PCBP3: variants seen among roughly 807,000 people sequenced by gnomAD.
The protein encoded by PCBP3 is poly(rC) binding protein 3.
A neutral mutation model predicts 52.7 loss-of-function variants in PCBP3; 25 were observed. The observed-to-expected ratio is 0.47, with a 90% CI of 0.35 to 0.66. The LOEUF is 0.66. PCBP3 is among the 30% of genes least tolerant of loss of function. The pLI, the probability that PCBP3 is intolerant of heterozygous loss-of-function variation, is 0.01. For missense variants in PCBP3, 391 were observed against 490.3 expected, an observed-to-expected ratio of 0.80 and a Z score of 1.91; for synonymous variants, 162 against 183.0, an observed-to-expected ratio of 0.89 and a Z score of 0.93.
intron 4 of PCBP3, among the ~76,000 whole-genome samples, chr21:45,784,399 TACCTCTACCG>T (rs2090909941): frequency 1.4e-5 from 2 of 141,418 alleles, no homozygotes; most frequent in African/African-American, 6.0e-5. Context: ...CCTCTACCGC[TACCTCTACCG>T]CTACCGCTAC....
rs553600711 is a variant in PCBP3 at position 45,882,065 on chromosome 21, G to C, written c.11-14143G>C. On this transcript the variant is annotated intron_variant, in intron 5 of 17. Transcript: ENST00000681687. ...TATATGCCCTGAAGTGAGACTGCTG[G>C]ATCCTGTGGTGGTTCTATTTCTAGT... is the stretch of plus-strand genomic sequence containing the variant. Among the ~76,000 whole-genome samples, 8 of 152,276 alleles carry C rather than the reference G, an allele frequency of 5.3e-5. No homozygotes were observed. In the East Asian group the frequency reaches 9.6e-4, roughly 18 times the overall value.
At chr21:45,776,434 C>T (rs754397306) in intron 4 of PCBP3, among the ~76,000 whole-genome samples, 1 of 151,686 alleles carries the variant, frequency 6.6e-6, no homozygotes, top group Non-Finnish European at 1.5e-5. Context: ...ACTTGAGTCT[C>T]TCTCTCTCCC....
At position 45,827,707 on chromosome 21, in the gene PCBP3, A is replaced by C. The variant is rs892404618; in HGVS notation, c.-125-22254A>C. The stretch of plus-strand genomic sequence containing the variant: ...CATCTCAGCCAAGCTGTTAATAAGC[A>C]GAACTCAGGGTCCCAGGGAAGTCCA... On this transcript the variant is annotated intron_variant, in intron 4 of 17. Transcript: ENST00000681687. This position sits in a 1 kb window ranked among gnomAD's most constrained non-coding sequence, Gnocchi z 4.3. Among the ~76,000 whole-genome samples, 1 of 152,254 alleles carries C rather than the reference A, an allele frequency of 6.6e-6. No homozygotes were observed. Among genetic ancestry groups the C allele is most frequent in the South Asian group, 2.1e-4 (1 of 4,834 alleles).
chr21:45,816,821 C>G (rs996078232), intron 4 of PCBP3, among the ~76,000 whole-genome samples: 2 of 151,034 alleles, frequency 1.3e-5, no homozygotes, highest in Non-Finnish European at 2.9e-5. Context: ...AAACCAGTAA[C>G]ACCATCGTTT....
Position 45,737,808 on chromosome 21 carries a change from G to A in PCBP3, c.-162+2379G>A, listed in dbSNP as rs2085999479. 6.6e-6 allele frequency among the ~76,000 whole-genome samples: 1 copy of A among 152,230 alleles called. No individual in the cohort carries two copies. Among genetic ancestry groups the A allele is most frequent in the South Asian group, 2.1e-4 (1 of 4,826 alleles). Reference sequence around the variant, plus strand: ...TGGAACAGAAGGGCTCTCCTCTCGTGGGCTGTGTCGAGTGAGTCCTGCAGC... The same window carrying A: ...TGGAACAGAAGGGCTCTCCTCTCGTAGGCTGTGTCGAGTGAGTCCTGCAGC... On this transcript the variant is annotated intron_variant, in intron 3 of 17. Coordinates refer to ENST00000681687, the MANE Select transcript of PCBP3 (RefSeq NM_001384156.1). The surrounding 1 kb of genome is among the most constrained non-coding windows in gnomAD (Gnocchi z 4.9).
At chr21:45,668,014 A>G (rs2080918714) in intron 1 of PCBP3, among the ~76,000 whole-genome samples, 1 of 152,182 alleles carries the variant, frequency 6.6e-6, no homozygotes, top group Admixed American at 6.5e-5. Context: ...TGAGTCTCAT[A>G]GACTTTCCCA....
At chr21:45,799,531 A>G (rs2092203748) in intron 4 of PCBP3, among the ~76,000 whole-genome samples, 1 of 152,212 alleles carries the variant, frequency 6.6e-6, no homozygotes, top group African/African-American at 2.4e-5. Flanking sequence ...GGTTCCAGGT[A>G]GCCACTGAGA....
intron 5 of PCBP3, among the ~76,000 whole-genome samples, chr21:45,874,400 G>T (rs1052159512): frequency 3.3e-5 from 5 of 151,808 alleles, no homozygotes; most frequent in African/African-American, 1.2e-4. Flanking sequence ...TCTTTATGAT[G>T]CTTTATAATT....
intron 5 of PCBP3, among the ~76,000 whole-genome samples, chr21:45,895,966 T>C (rs1239795410): frequency 6.6e-6 from 1 of 152,216 alleles, no homozygotes; most frequent in Non-Finnish European, 1.5e-5. Context: ...GGGGCTGCGG[T>C]GGCCTGCCCA....
At chr21:45,810,251 AGT>A (rs2092646248) in intron 4 of PCBP3, among the ~76,000 whole-genome samples, 2 of 90,436 alleles carry the variant, frequency 2.2e-5, no homozygotes, top group South Asian at 3.3e-4. Flanking sequence ...TGTGTGAGAG[AGT>A]GTGTGTGACA....
chr21:45,872,796 G>T (rs751176287), intron 5 of PCBP3: 2 of 152,136 alleles, frequency 1.3e-5, no homozygotes, highest in African/African-American at 2.4e-5. Context: ...TTATTTGTAT[G>T]GTTATTGGGG....
intron 1 of PCBP3, 87 bp from the exon 2 acceptor site, chr21:45,668,787 A>G (rs974065842): frequency 6.6e-6 from 1 of 152,066 alleles, no homozygotes; most frequent in African/African-American, 2.4e-5. Flanking sequence ...TTACTTTACT[A>G]TTTTCACTGA....
Position 45,709,553 on chromosome 21 carries a change from C to CT in PCBP3, c.-199-25829dup, listed in dbSNP as rs113566972. 2.7e-3 allele frequency among the ~76,000 whole-genome samples: 405 copies of CT among 149,546 alleles called. 3 individuals carry two copies. Among genetic ancestry groups the CT allele is most frequent in the Middle Eastern group, 0.014 (4 of 288 alleles). On this transcript the variant is annotated intron_variant, in intron 2 of 17. Coordinates refer to ENST00000681687, the MANE Select transcript of PCBP3 (RefSeq NM_001384156.1). Reference sequence around the variant, plus strand: ...AACATGTTCAGACTAAGACGGGGACCTTTTTTTTTTCTTTAATTGCTATTT... The same window carrying CT: ...AACATGTTCAGACTAAGACGGGGACCTTTTTTTTTTTCTTTAATTGCTATTT...
At chr21:45,849,938 A>G in intron 4 of PCBP3, 23 bp from the exon 5 acceptor site, 1 of 736,416 alleles carries the variant, frequency 1.4e-6, no homozygotes, top group Non-Finnish European at 2.4e-6. Flanking sequence ...GCGCTCACAC[A>G]GCCCTGTGTT....
chr21:45,645,708 A>G (rs2079205572), intron 1 of PCBP3, among the ~76,000 whole-genome samples: 1 of 152,200 alleles, frequency 6.6e-6, no homozygotes, highest in Non-Finnish European at 1.5e-5. Flanking sequence ...CTAGCTATTC[A>G]GATTTGGATT....
intron 2 of PCBP3, among the ~76,000 whole-genome samples, chr21:45,699,992 C>T (rs1399300356): frequency 6.6e-6 from 1 of 152,238 alleles, no homozygotes; most frequent in Non-Finnish European, 1.5e-5. Flanking sequence ...AAAGTCTTAA[C>T]TCATTTCACC....
chr21:45,719,307 G>A (rs560522049), intron 2 of PCBP3, among the ~76,000 whole-genome samples: 3 of 152,288 alleles, frequency 2.0e-5, no homozygotes, highest in African/African-American at 7.2e-5. Context: ...TGTTCTCAGG[G>A]AGGCTAGAGG....
chr21:45,815,894 T>A (rs1218028553), intron 4 of PCBP3, among the ~76,000 whole-genome samples: 1 of 121,210 alleles, frequency 8.3e-6, no homozygotes, highest in Non-Finnish European at 1.7e-5. Context: ...GAGTGAGTGA[T>A]GAGTGATGGG....
rs1186536095 is a variant in PCBP3 at position 45,849,967 on chromosome 21, A to C, written c.-119A>C. On this transcript the variant is annotated 5_prime_UTR_variant, in exon 5 of 18. Coordinates refer to ENST00000681687, the MANE Select transcript of PCBP3 (RefSeq NM_001384156.1). The stretch of plus-strand genomic sequence containing the variant: ...CTGTGTTTTTGTGTTTTAGGTCGGT[A>C]GGCTCCACGACAAAAGTCAACCCTT... The C allele has an allele frequency of 4.3e-6, 4 of 940,620 alleles. No homozygotes were observed. Among genetic ancestry groups the C allele is most frequent in the Non-Finnish European group, 6.8e-6 (4 of 590,204 alleles). 58.3% of individuals were successfully genotyped at this position (940,620 alleles called of 1,614,324 possible).
Sources: gnomAD v4.1 joint callset for allele counts (sites outside exome capture counted in the v4.1 genomes callset) on GRCh38, gnomAD v4.1.1 for gene constraint, Gnocchi (gnomAD v3.1) non-coding constraint, MANE v1.5 for transcripts, NCBI Gene and HGNC (gene_info 2026-07-23, HGNC 2026-07-21) for gene names.